USP8: variants seen among roughly 807,000 people sequenced by gnomAD.
USP8 encodes ubiquitin specific peptidase 8, also known as ubiquitin carboxyl-terminal hydrolase 8.
A neutral mutation model predicts 130.0 loss-of-function variants in USP8; 27 were observed. The observed-to-expected ratio is 0.21, with a 90% CI of 0.15 to 0.29. USP8 has a LOEUF of 0.29. Ranked by LOEUF, USP8 falls within the 10% of genes least tolerant of loss-of-function variation. The pLI is 1.00. For synonymous variants in USP8, 392 were observed against 444.1 expected (o/e 0.88, Z 1.48); for missense variants, 1,029 against 1,312.2 (o/e 0.78, Z 3.33).
At chr15:50,441,738 CATA>C (rs2050268761) in intron 3 of USP8, among the ~76,000 whole-genome samples, 2 of 152,058 alleles carry the variant, frequency 1.3e-5, no homozygotes, top group Admixed American at 1.3e-4. Context: ...CATACAGATT[CATA>C]ATTTTTTTCT....
chr15:50,446,209 A>G (rs2050436510), intron 3 of USP8, among the ~76,000 whole-genome samples: 1 of 152,162 alleles, frequency 6.6e-6, no homozygotes, highest in Non-Finnish European at 1.5e-5. Context: ...TAATAATTGG[A>G]TGTTATCTTT....
rs1455875436 is a variant in USP8, at chr15:50,502,322, G to C, written c.*3234G>C. 6.6e-6 allele frequency: 1 copy of C among 151,844 alleles called. No individual in the cohort carries two copies. Among genetic ancestry groups the C allele is most frequent in the Non-Finnish European group, 1.5e-5 (1 of 68,088 alleles). The allele number at this position is 151,844 out of a possible 1,614,324, so 9.4% of individuals were successfully genotyped here. A position where few individuals can be genotyped will look rare whatever the true frequency, so the allele number is the denominator to read the frequency against. ...GATGGGGTTTCACTGTGTTAGCCAG[G>C]ATGGTCTCGATCTCGACCTCGGGAT... is the stretch of plus-strand genomic sequence containing the variant. On this transcript the variant is annotated 3_prime_UTR_variant, in exon 20 of 20. Transcript: ENST00000307179.
chr15:50,438,040 T>A (rs2050141493), intron 1 of USP8, among the ~76,000 whole-genome samples: 1 of 152,220 alleles, frequency 6.6e-6, no homozygotes, highest in African/African-American at 2.4e-5. Context: ...GTTTGGTGAC[T>A]AAGACAGTGG....
Position 50,477,304 on chromosome 15 carries a change from A to G in USP8, c.1023A>G (p.Glu341=), listed in dbSNP as rs779640512. 3 of 1,613,116 alleles carry G rather than the reference A, an allele frequency of 1.9e-6. No homozygotes were observed. The highest frequency in any genetic ancestry group is 2.2e-5 in the South Asian group (2 of 90,784). ...SLDFTYPSLE[E]SIPSKPAAQT... ...ATTTTACTTATCCCTCATTGGAAGA[A>G]TCAATTCCTTCTAAACCTGCTGCCC... The change falls in exon 10 of 20, where the codon GAA becomes GAG. Residue 341 remains glutamate, a synonymous_variant. Transcript: ENST00000307179.
At chr15:50,489,987 A>G (rs953926208) in intron 13 of USP8, 106 bp downstream of exon 13, 3 of 986,606 alleles carry the variant, frequency 3.0e-6, no homozygotes, top group African/African-American at 1.6e-5. Context: ...TTTCTCCATT[A>G]TAGAGAACAT....
intron 4 of USP8, among the ~76,000 whole-genome samples, chr15:50,457,753 C>T (rs2050839234): frequency 6.7e-6 from 1 of 149,234 alleles, no homozygotes; most frequent in African/African-American, 2.5e-5. Context: ...CCCAGCTACT[C>T]AGGAGGCTGA....
In USP8 at chr15:50,449,919, G is replaced by A. The variant is rs1210174129; in HGVS notation, c.335+434G>A. On this transcript the variant is annotated intron_variant, in intron 4 of 19. Transcript: ENST00000307179. ...TTTTTTTTTTTTTTTTTTCTGAGAC[G>A]GAGTCTCACTGTTGCCCAGGCTGGA... is the stretch of plus-strand genomic sequence containing the variant. Among the ~76,000 whole-genome samples, 10 of 98,406 alleles carry A rather than the reference G, an allele frequency of 1.0e-4. 1 individual carries two copies. Among genetic ancestry groups the A allele is most frequent in the African/African-American group, 2.5e-4 (6 of 23,856 alleles). 64.6% of individuals were successfully genotyped at this position (98,406 alleles called of 152,430 possible). A position where few individuals can be genotyped will look rare whatever the true frequency, so the allele number is the denominator to read the frequency against.
rs1456569264 is a variant in USP8, at chr15:50,500,854, T to A, written c.*1766T>A. 1 of 1,565,658 alleles carries A rather than the reference T, an allele frequency of 6.4e-7. No homozygotes were observed. The highest frequency in any genetic ancestry group is 8.7e-7 in the Non-Finnish European group (1 of 1,153,452). On this transcript the variant is annotated 3_prime_UTR_variant, in exon 20 of 20. Coordinates refer to ENST00000307179, the MANE Select transcript of USP8 (RefSeq NM_005154.5). Reference sequence around the variant, plus strand: ...AAAATGGTTCTATGGGAGAAAGGAATGTCAAACTTAGTATTCACATATGAA... The same window carrying A: ...AAAATGGTTCTATGGGAGAAAGGAAAGTCAAACTTAGTATTCACATATGAA...
At chr15:50,480,907 G>T (rs145645715) in intron 10 of USP8, among the ~76,000 whole-genome samples, 32 of 152,136 alleles carry the variant, frequency 2.1e-4, no homozygotes, top group African/African-American at 7.0e-4. Context: ...GTCTTAGCCT[G>T]TGGTAGAAGA....
chr15:50,465,355 G>A (rs79282925), intron 7 of USP8, among the ~76,000 whole-genome samples, 164 bp downstream of exon 7: 3,119 of 152,020 alleles, frequency 0.021, 103 homozygotes, highest in African/African-American at 0.072. Context: ...GGTGGGGGAG[G>A]GGAGGGGGAG....
chr15:50,424,914 A>C (rs1406520127), intron 1 of USP8, among the ~76,000 whole-genome samples: 2 of 149,964 alleles, frequency 1.3e-5, no homozygotes, highest in South Asian at 2.1e-4. Flanking sequence ...TTCCCCAGTC[A>C]CACTTGATTT....
chr15:50,438,932 G>A, intron 1 of USP8, 77 bp from the exon 2 acceptor site: 1 of 581,584 alleles, frequency 1.7e-6, no homozygotes, highest in African/African-American at 1.9e-5. Flanking sequence ...TATGGTTTAG[G>A]AATTTTTTTT....
At chr15:50,457,217 T>C (rs2050819402) in intron 4 of USP8, among the ~76,000 whole-genome samples, 1 of 152,182 alleles carries the variant, frequency 6.6e-6, no homozygotes. Context: ...TTGTATAGTT[T>C]TATCTGTTTA....
intron 12 of USP8, among the ~76,000 whole-genome samples, chr15:50,488,174 C>A (rs2052028326): frequency 6.6e-6 from 1 of 152,168 alleles, no homozygotes; most frequent in South Asian, 2.1e-4. Context: ...ATCTAAGGAA[C>A]ATTTTTTCTG....
chr15:50,427,903 G>C (rs2049797074), intron 1 of USP8, among the ~76,000 whole-genome samples: 1 of 151,444 alleles, frequency 6.6e-6, no homozygotes, highest in Non-Finnish European at 1.5e-5. Context: ...TGTCACCCAG[G>C]CTGGAGTGCA....
intron 4 of USP8, among the ~76,000 whole-genome samples, chr15:50,453,733 T>C (rs1476278684): frequency 6.6e-6 from 1 of 152,230 alleles, no homozygotes; most frequent in Non-Finnish European, 1.5e-5. Flanking sequence ...ACTGTATCTA[T>C]TTATGCCTTT....
At chr15:50,484,774 A>G (rs760715976) in intron 12 of USP8, among the ~76,000 whole-genome samples, 3 of 152,238 alleles carry the variant, frequency 2.0e-5, no homozygotes, top group African/African-American at 7.2e-5. Flanking sequence ...ATAAACAAAT[A>G]TGGTATGTAC....
intron 10 of USP8, among the ~76,000 whole-genome samples, chr15:50,479,467 T>G (rs1278184384): frequency 6.6e-6 from 1 of 152,190 alleles, no homozygotes; most frequent in Non-Finnish European, 1.5e-5. Flanking sequence ...AAATTTGAAT[T>G]TTGTCCTGTA....
rs146901404 is a variant in USP8 at position 50,475,747 on chromosome 15, C to T, written c.850-1102C>T. ...CCTCCCAAGTAGCTGGGATTATAGG[C>T]GCCTGCCACCACGCCTGGCTAATTT... On this transcript the variant is annotated intron_variant, in intron 8 of 19. Coordinates refer to ENST00000307179, the MANE Select transcript of USP8 (RefSeq NM_005154.5). Among the ~76,000 whole-genome samples the T allele has an allele frequency of 9.4e-3, 1,423 of 152,056 alleles. 22 individuals are homozygous for T. The highest frequency in any genetic ancestry group is 0.032 in the African/African-American group (1,325 of 41,486).
Sources: allele counts gnomAD v4.1 joint callset (sites outside exome capture counted in the v4.1 genomes callset), GRCh38; gene constraint gnomAD v4.1.1; transcripts MANE v1.5; gene names NCBI Gene and HGNC (gene_info 2026-07-23, HGNC 2026-07-21).